TMEM33: variants seen among roughly 807,000 people sequenced by gnomAD.
The protein encoded by TMEM33 is transmembrane protein 33.
In TMEM33, 16 loss-of-function variants were observed where a neutral mutation model predicts 29.7. The observed-to-expected ratio is 0.54, with a 90% CI of 0.36 to 0.82. The LOEUF is 0.82. Ranked by LOEUF, TMEM33 falls within the 40% of genes least tolerant of loss-of-function variation. TMEM33 has a pLI of 0.00. For synonymous variants in TMEM33, 112 were observed against 109.4 expected, an observed-to-expected ratio of 1.02 and a Z score of -0.15; for missense variants, 252 against 295.3, an observed-to-expected ratio of 0.85 and a Z score of 1.08.
intron 1 of TMEM33, among the ~76,000 whole-genome samples, chr4:41,937,733 G>A (rs916643394): frequency 1.3e-5 from 2 of 152,060 alleles, no homozygotes; most frequent in Admixed American, 1.3e-4. Flanking sequence ...GACAAAAAAT[G>A]TAAAAGCCAC....
At chr4:41,937,493 TA>T (rs1253183689) in intron 1 of TMEM33, among the ~76,000 whole-genome samples, 1 of 151,802 alleles carries the variant, frequency 6.6e-6, no homozygotes, top group African/African-American at 2.4e-5. Context: ...AAATTTTTTA[TA>T]TTTTTTTTTC....
At chr4:41,943,630 A>T in intron 3 of TMEM33, 117 bp from the exon 4 acceptor site, 1 of 837,988 alleles carries the variant, frequency 1.2e-6, no homozygotes. Flanking sequence ...AAAACAAGCC[A>T]TTCCACTGAA....
At chr4:41,940,125 T>TCCCAAA (rs2153126608) in intron 3 of TMEM33, among the ~76,000 whole-genome samples, 1 of 145,022 alleles carries the variant, frequency 6.9e-6, no homozygotes, top group African/African-American at 2.6e-5. Flanking sequence ...CCCAAAGTGC[T>TCCCAAA]GGGATTATAG....
intron 1 of TMEM33, 52 bp downstream of exon 1, chr4:41,935,581 G>A (rs1472836149): frequency 1.9e-5 from 29 of 1,564,490 alleles, no homozygotes; most frequent in African/African-American, 2.7e-5. Context: ...TTAGGAAGAA[G>A]CAGGAAGCGT....
At position 41,956,825 on chromosome 4, in the gene TMEM33, A is replaced by G. The variant is rs1196571442; in HGVS notation, c.*2626A>G. On this transcript the variant is annotated 3_prime_UTR_variant, in exon 7 of 7. Coordinates refer to ENST00000504986, the MANE Select transcript of TMEM33 (RefSeq NM_018126.3). ...ACGAAAAAGTAAATTTTACAATTTGAGCATTACTAGATGTTTAGTTTGCAT... is the reference window on the plus strand; with the variant it reads ...ACGAAAAAGTAAATTTTACAATTTGGGCATTACTAGATGTTTAGTTTGCAT... 1 of 152,198 alleles carries G rather than the reference A, an allele frequency of 6.6e-6. No homozygotes were observed. Among genetic ancestry groups the G allele is most frequent in the African/African-American group, 2.4e-5 (1 of 41,460 alleles). The allele number at this position is 152,198 out of a possible 1,614,324, so 9.4% of individuals were successfully genotyped here. A position where few individuals can be genotyped will look rare whatever the true frequency, so the allele number is the denominator to read the frequency against.
chr4:41,935,385 G>A (rs995743392), upstream of TMEM33: 1 of 1,311,226 alleles, frequency 7.6e-7, no homozygotes, highest in African/African-American at 1.5e-5. Context: ...GCGCGAGGCA[G>A]GGAAGCCGGT....
chr4:41,947,467 G>C (rs1038692913), intron 5 of TMEM33, among the ~76,000 whole-genome samples: 1 of 152,078 alleles, frequency 6.6e-6, no homozygotes, highest in Non-Finnish European at 1.5e-5. Context: ...TTTTGACTGC[G>C]TTGGTACATT....
chr4:41,935,555 G>T, intron 1 of TMEM33, 26 bp downstream of exon 1: 1 of 1,593,512 alleles, frequency 6.3e-7, no homozygotes, highest in Non-Finnish European at 8.5e-7. Flanking sequence ...GGGTAGTCTG[G>T]CTTGATTTGC....
chr4:41,946,938 T>C (rs2153127355), intron 5 of TMEM33, among the ~76,000 whole-genome samples: 1 of 152,222 alleles, frequency 6.6e-6, no homozygotes, highest in South Asian at 2.1e-4. Flanking sequence ...AGATGAAAGT[T>C]AAAATGGTAG....
rs747820286 is a variant in TMEM33 at position 41,935,493 on chromosome 4, T to C, written c.9T>C (p.Asp3=). ...CGCTAGTGTGAGCCCCCATGGCAGA[T>C]ACGACCCCGAACGGCCCCCAAGGGG... MA[D]TTPNGPQGAG... is the part of the protein sequence containing the mutation. The change falls in exon 1 of 7, where the codon GAT becomes GAC. Residue 3 remains aspartate (D), a synonymous_variant. Transcript: ENST00000504986. 5 of 1,609,832 alleles carry C rather than the reference T, an allele frequency of 3.1e-6. No homozygotes were observed. Among genetic ancestry groups the C allele is most frequent in the African/African-American group, 1.3e-5 (1 of 74,930 alleles).
chr4:41,951,727 A>G (rs1173955797), intron 6 of TMEM33, among the ~76,000 whole-genome samples: 1 of 152,228 alleles, frequency 6.6e-6, no homozygotes, highest in Non-Finnish European at 1.5e-5. Flanking sequence ...ACAGAGACAA[A>G]TAAGAATTCA....
Position 41,954,343 on chromosome 4 carries a change from C to A in TMEM33, c.*144C>A. The A allele has an allele frequency of 2.1e-6, 2 of 940,000 alleles. No individual in the cohort carries two copies. Among genetic ancestry groups the A allele is most frequent in the Non-Finnish European group, 3.0e-6 (2 of 669,896 alleles). The allele number at this position is 940,000 out of a possible 1,614,324, so 58.2% of individuals were successfully genotyped here. A position where few individuals can be genotyped will look rare whatever the true frequency, so the allele number is the denominator to read the frequency against. On this transcript the variant is annotated 3_prime_UTR_variant, in exon 7 of 7. Coordinates refer to ENST00000504986, the MANE Select transcript of TMEM33 (RefSeq NM_018126.3). The stretch of plus-strand genomic sequence containing the variant: ...AAATGCATCTCGGTGGAAAAATAAT[C>A]ATTTTCTTGGCATGTTAAATCAAGC...
At chr4:41,940,958 A>G (rs1712516396) in intron 3 of TMEM33, among the ~76,000 whole-genome samples, 3 of 152,188 alleles carry the variant, frequency 2.0e-5, no homozygotes, top group African/African-American at 7.2e-5. Context: ...TAATGCTGAA[A>G]AAGTCTTTCT....
chr4:41,940,436 A>C (rs930353361), intron 3 of TMEM33, among the ~76,000 whole-genome samples: 2 of 152,162 alleles, frequency 1.3e-5, no homozygotes, highest in Admixed American at 6.5e-5. Context: ...GAAGTATCAA[A>C]TTTTTAAATA....
chr4:41,952,756 G>T (rs1713097247), intron 6 of TMEM33, among the ~76,000 whole-genome samples: 1 of 152,144 alleles, frequency 6.6e-6, no homozygotes, highest in Admixed American at 6.5e-5. Flanking sequence ...TCATAGTTCA[G>T]TGTATTGATC....
intron 5 of TMEM33, among the ~76,000 whole-genome samples, chr4:41,945,409 C>T (rs948336280): frequency 6.6e-6 from 1 of 152,142 alleles, no homozygotes; most frequent in Non-Finnish European, 1.5e-5. Context: ...TTTTGCATTA[C>T]ATTTTAAAAC....
In TMEM33 at chr4:41,958,776, T is replaced by A. The variant is rs1713369183; in HGVS notation, c.*4577T>A. On this transcript the variant is annotated 3_prime_UTR_variant, in exon 7 of 7. Coordinates refer to ENST00000504986, the MANE Select transcript of TMEM33 (RefSeq NM_018126.3). ...CAGGCTGGAGTGCAGTGGTGCAGTC[T>A]TGGCTCACTGCAACCTCTGCCTCCT... 6.7e-6 allele frequency: 1 copy of A among 149,036 alleles called. No individual in the cohort carries two copies. The highest frequency in any genetic ancestry group is 1.5e-5 in the Non-Finnish European group (1 of 67,576). The allele number at this position is 149,036 out of a possible 1,614,324, so 9.2% of individuals were successfully genotyped here. A position where few individuals can be genotyped will look rare whatever the true frequency, so the allele number is the denominator to read the frequency against.
intron 3 of TMEM33, chr4:41,939,905 C>G: frequency 2.5e-6 from 1 of 401,572 alleles, no homozygotes; most frequent in South Asian, 1.8e-5. Flanking sequence ...ATGGATAATC[C>G]GTGAAGCTAA....
intron 3 of TMEM33, among the ~76,000 whole-genome samples, chr4:41,940,556 C>T (rs942127635): frequency 6.6e-6 from 1 of 151,876 alleles, no homozygotes; most frequent in Non-Finnish European, 1.5e-5. Context: ...GGCTCACGTG[C>T]GGTGGCACTT....
Sources: gnomAD v4.1 joint callset for allele counts (sites outside exome capture counted in the v4.1 genomes callset) on GRCh38, gnomAD v4.1.1 for gene constraint, MANE v1.5 for transcripts, NCBI Gene and HGNC (gene_info 2026-07-23, HGNC 2026-07-21) for gene names.